Variants in PPARGC1A observed in about 807,000 individuals in gnomAD.
PPARGC1A encodes the protein PPARG coactivator 1 alpha.
In PPARGC1A, 25 loss-of-function variants were observed where a neutral mutation model predicts 88.7. The ratio of observed to expected loss-of-function variants is 0.28; its 90% CI spans 0.21 to 0.39. The LOEUF is 0.39. PPARGC1A is among the 10% of genes least tolerant of loss of function. PPARGC1A has a pLI of 1.00. For missense variants in PPARGC1A, 880 were observed against 968.7 expected, an observed-to-expected ratio of 0.91 and a Z score of 1.22; for synonymous variants, 363 against 355.6, an observed-to-expected ratio of 1.02 and a Z score of -0.24.
At chr4:24,009,006 C>G in the PPARGC1A span, among the ~76,000 whole-genome samples, 1 of 151,940 alleles carries the variant, frequency 6.6e-6, no homozygotes. Context: ...CACCATTTAT[C>G]TTTCCATTCT....
chr4:24,003,943 C>T, the PPARGC1A span, among the ~76,000 whole-genome samples: 2 of 151,440 alleles, frequency 1.3e-5, no homozygotes, highest in African/African-American at 2.4e-5. Flanking sequence ...TAAATGGAAA[C>T]TGTAACTGTC....
chr4:24,437,594 TTTGTTGTTGTTGTTGTTGTTG>T, the PPARGC1A span, among the ~76,000 whole-genome samples: 10 of 143,754 alleles, frequency 7.0e-5, no homozygotes, highest in Admixed American at 3.5e-4. Context: ...GCACAGGTTT[TTTGTTGTTGTTGTTGTTGTTG>T]TTGTTGTTGT....
At chr4:24,434,211 C>T in the PPARGC1A span, among the ~76,000 whole-genome samples, 9 of 152,178 alleles carry the variant, frequency 5.9e-5, no homozygotes, top group Non-Finnish European at 1.0e-4. Context: ...ACCTCTCATA[C>T]GGATTTTTAA....
the PPARGC1A span, among the ~76,000 whole-genome samples, chr4:23,989,947 T>C: frequency 6.7e-6 from 1 of 149,470 alleles, no homozygotes; most frequent in Non-Finnish European, 1.5e-5. Context: ...AATTTGTACC[T>C]ACCATGAATG....
At chr4:24,219,845 C>T in the PPARGC1A span, among the ~76,000 whole-genome samples, 1 of 152,142 alleles carries the variant, frequency 6.6e-6, no homozygotes, top group Non-Finnish European at 1.5e-5. Context: ...TGTTGAGAAG[C>T]CCCATGGAGA....
the PPARGC1A span, among the ~76,000 whole-genome samples, chr4:24,186,119 C>G: frequency 6.6e-6 from 1 of 152,100 alleles, no homozygotes; most frequent in Non-Finnish European, 1.5e-5. Context: ...GCCCTACAAA[C>G]TGTGTGCAGA....
the PPARGC1A span, among the ~76,000 whole-genome samples, chr4:24,100,049 C>T: frequency 6.6e-5 from 10 of 151,558 alleles, no homozygotes; most frequent in South Asian, 2.1e-4. Context: ...TGCAGCACAC[C>T]AACATGGCAC....
chr4:23,977,566 T>G, the PPARGC1A span, among the ~76,000 whole-genome samples: 1 of 152,166 alleles, frequency 6.6e-6, no homozygotes, highest in African/African-American at 2.4e-5. Context: ...GATAAATAAC[T>G]AATGTATGTG....
chr4:24,312,547 C>T, the PPARGC1A span, among the ~76,000 whole-genome samples: 3 of 146,016 alleles, frequency 2.1e-5, no homozygotes, highest in Admixed American at 7.1e-5. Flanking sequence ...AATCAGCTTT[C>T]GTGTTTTGCT....
the PPARGC1A span, among the ~76,000 whole-genome samples, chr4:24,112,560 G>T: frequency 6.6e-6 from 1 of 152,036 alleles, no homozygotes; most frequent in Non-Finnish European, 1.5e-5. Flanking sequence ...ATTTTGTCTT[G>T]GAAATGTAGC....
chr4:24,014,724 C>T, the PPARGC1A span, among the ~76,000 whole-genome samples: 1 of 152,126 alleles, frequency 6.6e-6, no homozygotes, highest in Admixed American at 6.5e-5. Context: ...AGGAGAGTAT[C>T]TGTCACCTCA....
the PPARGC1A span, among the ~76,000 whole-genome samples, chr4:24,380,107 T>C: frequency 6.6e-6 from 1 of 152,036 alleles, no homozygotes; most frequent in Admixed American, 6.6e-5. Flanking sequence ...ATAAAATATA[T>C]AGTTTTTTTT....
chr4:23,836,440 A>G (rs1726027591), intron 2 of PPARGC1A, among the ~76,000 whole-genome samples: 1 of 152,230 alleles, frequency 6.6e-6, no homozygotes, highest in South Asian at 2.1e-4. Flanking sequence ...CTCTAGGAAG[A>G]AAGAAGGCAC....
At chr4:24,158,019 G>A in the PPARGC1A span, among the ~76,000 whole-genome samples, 2 of 152,058 alleles carry the variant, frequency 1.3e-5, no homozygotes, top group South Asian at 2.1e-4. Context: ...GCTTAGGAAT[G>A]CCGCCATGAT....
the PPARGC1A span, among the ~76,000 whole-genome samples, chr4:24,199,809 T>C: frequency 2.6e-5 from 4 of 152,226 alleles, no homozygotes; most frequent in Non-Finnish European, 5.9e-5. Context: ...AATTGATCAA[T>C]ATCTAGTAAA....
chr4:24,049,308 G>GTGTATATATATATATATATA, the PPARGC1A span, among the ~76,000 whole-genome samples: 7 of 139,548 alleles, frequency 5.0e-5, no homozygotes, highest in Non-Finnish European at 7.6e-5. Flanking sequence ...ATATATGTGT[G>GTGTATATATATATATATATA]TATATATATA....
chr4:24,444,737 G>A, the PPARGC1A span, among the ~76,000 whole-genome samples: 1 of 152,128 alleles, frequency 6.6e-6, no homozygotes, highest in Non-Finnish European at 1.5e-5. Flanking sequence ...TATTAGACGA[G>A]CAAGTGAGTC....
At chr4:24,303,072 T>C in the PPARGC1A span, among the ~76,000 whole-genome samples, 3 of 152,172 alleles carry the variant, frequency 2.0e-5, no homozygotes, top group Non-Finnish European at 4.4e-5. Context: ...ACGGCCACCT[T>C]CAAAAGTCAT....
the PPARGC1A span, among the ~76,000 whole-genome samples, chr4:23,962,339 G>T: frequency 6.6e-6 from 1 of 152,076 alleles, no homozygotes; most frequent in Non-Finnish European, 1.5e-5. Flanking sequence ...AGGGTCATCT[G>T]GCCCAATATC....
Sources: gnomAD v4.1 joint callset for allele counts (sites outside exome capture counted in the v4.1 genomes callset) on GRCh38, gnomAD v4.1.1 for gene constraint, MANE v1.5 for transcripts, NCBI Gene and HGNC (gene_info 2026-07-23, HGNC 2026-07-21) for gene names.